The following FBXO34 variants were observed in gnomAD, a reference collection of about 807,000 sequenced individuals.
The protein encoded by FBXO34 is F-box only protein 34.
Under a neutral mutation model 24.5 loss-of-function variants are expected in FBXO34, and 12 were observed. That is an observed-to-expected ratio of 0.49 (90% confidence interval 0.31 to 0.79). The LOEUF (loss-of-function observed/expected upper bound fraction) is 0.79. Among genes scored for constraint, FBXO34 ranks in the 30% least tolerant of loss-of-function variants. The pLI, the probability that FBXO34 is intolerant of heterozygous loss-of-function variation, is 0.04. For synonymous variants in FBXO34, 320 were observed against 311.9 expected (o/e 1.03, Z -0.27); for missense variants, 823 against 857.7 (o/e 0.96, Z 0.51).
the FBXO34 span, among the ~76,000 whole-genome samples, chr14:55,429,796 A>G: frequency 6.3e-4 from 95 of 151,002 alleles, no homozygotes; most frequent in African/African-American, 2.1e-3. Context: ...AAAAGAAAAC[A>G]ACAAGAAAAA....
chr14:55,327,921 T>TG, intron 1 of FBXO34, among the ~76,000 whole-genome samples: 1 of 49,354 alleles, frequency 2.0e-5, no homozygotes, highest in Non-Finnish European at 4.7e-5. Context: ...TTTTTTTTTT[T>TG]TTTTTTTTTT....
At position 55,315,898 on chromosome 14, in the gene FBXO34, A is replaced by G. The variant is rs928823946; in HGVS notation, c.-10-34483A>G. ...CCTGCAATCTGGCAACTACTTTTGC[A>G]TTATTTTGTTGATGACTTTCTCCCC... On this transcript the variant is annotated intron_variant, in intron 1 of 1. Coordinates refer to ENST00000313833, the MANE Select transcript of FBXO34 (RefSeq NM_017943.4). 3.3e-5 allele frequency among the ~76,000 whole-genome samples: 5 copies of G among 152,270 alleles called. No homozygotes were observed. In the South Asian group the frequency reaches 6.2e-4, roughly 19 times the overall value.
chr14:55,273,756 A>G (rs1881239592), intron 1 of FBXO34, among the ~76,000 whole-genome samples: 1 of 152,160 alleles, frequency 6.6e-6, no homozygotes, highest in Admixed American at 6.5e-5. Context: ...CCCGAGCGGT[A>G]GCGATTCTGG....
chr14:55,407,366 T>C, the FBXO34 span, among the ~76,000 whole-genome samples: 1 of 152,136 alleles, frequency 6.6e-6, no homozygotes, highest in Non-Finnish European at 1.5e-5. Context: ...CTTGACCTTG[T>C]AATCTGCCCG....
At chr14:55,380,665 G>A in the FBXO34 span, 6 of 1,609,926 alleles carry the variant, frequency 3.7e-6, no homozygotes, top group East Asian at 2.2e-5. Context: ...CACTGATGGT[G>A]TAGGCAGGGT....
At chr14:55,343,282 G>C (rs1200774968) in intron 1 of FBXO34, among the ~76,000 whole-genome samples, 2 of 128,494 alleles carry the variant, frequency 1.6e-5, no homozygotes, top group Non-Finnish European at 3.1e-5. Flanking sequence ...ACGGAGTCTT[G>C]CTCTGTCGCC....
the FBXO34 span, among the ~76,000 whole-genome samples, chr14:55,380,875 A>ATATATATATTTTTTTTT: frequency 7.1e-5 from 8 of 112,696 alleles, no homozygotes; most frequent in Non-Finnish European, 1.2e-4. Context: ...ATATATATAT[A>ATATATATATTTTTTTTT]TTTTTTTTTT....
At chr14:55,372,988 CTGAGA>C (rs1280951663), downstream of FBXO34, among the ~76,000 whole-genome samples, 2 of 152,166 alleles carry the variant, frequency 1.3e-5, no homozygotes, top group East Asian at 3.9e-4. Flanking sequence ...ACCTACATTT[CTGAGA>C]AGCCACAGAG....
At chr14:55,427,821 C>T in the FBXO34 span, among the ~76,000 whole-genome samples, 1 of 141,018 alleles carries the variant, frequency 7.1e-6, no homozygotes, top group African/African-American at 3.0e-5. Context: ...GTGTTGCGGG[C>T]TGCAGCTATA....
the FBXO34 span, among the ~76,000 whole-genome samples, chr14:55,440,943 T>A: frequency 6.6e-6 from 1 of 152,178 alleles, no homozygotes; most frequent in Non-Finnish European, 1.5e-5. Flanking sequence ...GCCTCCCGGG[T>A]TCAAGCTATT....
At chr14:55,369,063 G>GTAAC (rs2140113599), downstream of FBXO34, 1 of 149,056 alleles carries the variant, frequency 6.7e-6, no homozygotes, top group African/African-American at 2.5e-5. Flanking sequence ...TAAAATACGT[G>GTAAC]TAACTCACCC....
At chr14:55,430,587 G>A in the FBXO34 span, among the ~76,000 whole-genome samples, 3 of 151,874 alleles carry the variant, frequency 2.0e-5, no homozygotes, top group Non-Finnish European at 4.4e-5. Context: ...ATAGAGACAG[G>A]GTCTTGCTGT....
the FBXO34 span, among the ~76,000 whole-genome samples, chr14:55,402,970 A>ATATATATATATATAT: frequency 5.5e-4 from 38 of 69,448 alleles, 1 homozygote; most frequent in Non-Finnish European, 9.2e-4. Flanking sequence ...TATATATATA[A>ATATATATATATATAT]ATAGCTGGGC....
chr14:55,272,515 A>C (rs1430294125), intron 1 of FBXO34, among the ~76,000 whole-genome samples: 2 of 149,932 alleles, frequency 1.3e-5, no homozygotes, highest in Non-Finnish European at 2.9e-5. Context: ...AGTGTTGATA[A>C]ATCAGTTTGC....
chr14:55,350,021 C>A (rs1884292499), intron 1 of FBXO34, among the ~76,000 whole-genome samples: 1 of 151,934 alleles, frequency 6.6e-6, no homozygotes, highest in Non-Finnish European at 1.5e-5. Context: ...TTTATACTTT[C>A]CTTTCTTCTG....
the FBXO34 span, among the ~76,000 whole-genome samples, chr14:55,401,797 G>A: frequency 2.0e-5 from 3 of 152,178 alleles, no homozygotes; most frequent in African/African-American, 4.8e-5. Flanking sequence ...GGGCTTCAGA[G>A]GCAGCCACCC....
the FBXO34 span, among the ~76,000 whole-genome samples, chr14:55,405,882 G>T: frequency 6.6e-6 from 1 of 151,820 alleles, no homozygotes; most frequent in African/African-American, 2.4e-5. Flanking sequence ...CCCTGGGGGT[G>T]GGGTGGCGGG....
chr14:55,379,621 T>C, the FBXO34 span, among the ~76,000 whole-genome samples: 1 of 152,198 alleles, frequency 6.6e-6, no homozygotes, highest in Admixed American at 6.5e-5. Context: ...TGGGAGAAGA[T>C]GGTAATAATA....
the FBXO34 span, among the ~76,000 whole-genome samples, chr14:55,428,090 A>G: frequency 2.6e-5 from 3 of 114,346 alleles, no homozygotes; most frequent in African/African-American, 1.0e-4. Flanking sequence ...GCCCCTTCCT[A>G]CCGGCCTAGT....
Sources: gnomAD v4.1 joint callset for allele counts (sites outside exome capture counted in the v4.1 genomes callset) on GRCh38, gnomAD v4.1.1 for gene constraint, MANE v1.5 for transcripts, NCBI Gene and HGNC (gene_info 2026-07-23, HGNC 2026-07-21) for gene names.